Variants in RABGAP1L observed in about 807,000 individuals in gnomAD.
The protein encoded by RABGAP1L is rab GTPase-activating protein 1-like.
RABGAP1L carries 63 observed loss-of-function variants against 137.7 expected under a neutral mutation model. The ratio of observed to expected loss-of-function variants is 0.46; its 90% CI spans 0.37 to 0.56. The LOEUF is 0.56. RABGAP1L is among the 20% of genes least tolerant of loss of function. The probability of loss-of-function intolerance (pLI) is 0.00; values close to 1 mark genes in which losing one functional copy is unlikely to be tolerated. For missense variants in RABGAP1L, 1,095 were observed against 1,244.0 expected, an observed-to-expected ratio of 0.88 and a Z score of 1.80; for synonymous variants, 431 against 433.7, an observed-to-expected ratio of 0.99 and a Z score of 0.08.
intron 13 of RABGAP1L, chr1:174,449,019 C>T: frequency 1.2e-6 from 2 of 1,613,672 alleles, no homozygotes; most frequent in South Asian, 1.1e-5. Context: ...TTCTTAACAA[C>T]CTGGCTTGCA....
intron 1 of RABGAP1L, among the ~76,000 whole-genome samples, chr1:174,163,973 A>G (rs922637995): frequency 9.2e-5 from 14 of 152,176 alleles, no homozygotes; most frequent in African/African-American, 3.4e-4. Context: ...AACATCAGGC[A>G]TGGAACATTT....
intron 7 of RABGAP1L, among the ~76,000 whole-genome samples, chr1:174,267,069 C>G (rs949486686): frequency 4.6e-5 from 7 of 152,178 alleles, no homozygotes; most frequent in Admixed American, 3.9e-4. Flanking sequence ...TTAACTGGAG[C>G]ATATACTTCT....
At chr1:174,678,480 A>AG (rs1491487530) in intron 14 of RABGAP1L, among the ~76,000 whole-genome samples, 1 of 152,186 alleles carries the variant, frequency 6.6e-6, no homozygotes, top group Non-Finnish European at 1.5e-5. Flanking sequence ...CAAAAAAAAA[A>AG]GAGTAACAAA....
chr1:174,694,400 C>A (rs1396938615), intron 15 of RABGAP1L, among the ~76,000 whole-genome samples: 3 of 149,304 alleles, frequency 2.0e-5, no homozygotes, highest in South Asian at 4.3e-4. Context: ...CTTCCTGTGT[C>A]CATGTGTTCT....
chr1:174,471,473 C>G (rs1657928004), intron 13 of RABGAP1L, among the ~76,000 whole-genome samples: 1 of 152,170 alleles, frequency 6.6e-6, no homozygotes, highest in Admixed American at 6.5e-5. Flanking sequence ...TAAGCAAAAT[C>G]TTAGAAAAGT....
chr1:174,674,917 C>T (rs1361784739), intron 14 of RABGAP1L, among the ~76,000 whole-genome samples: 4 of 152,144 alleles, frequency 2.6e-5, no homozygotes, highest in African/African-American at 7.2e-5. Flanking sequence ...TGTCCTTCAC[C>T]CACTTTTTGA....
chr1:174,500,856 G>T (rs1001727256), intron 13 of RABGAP1L, among the ~76,000 whole-genome samples: 1 of 152,144 alleles, frequency 6.6e-6, no homozygotes, highest in Non-Finnish European at 1.5e-5. Flanking sequence ...TTCTATAAAA[G>T]ATTTGGTAGA....
At chr1:174,747,663 G>A (rs970550939) in intron 17 of RABGAP1L, among the ~76,000 whole-genome samples, 3 of 151,822 alleles carry the variant, frequency 2.0e-5, no homozygotes, top group Admixed American at 6.6e-5. Flanking sequence ...TTCCTCTTTA[G>A]CTTCCCAAAC....
At chr1:174,190,185 C>T (rs944393771) in intron 1 of RABGAP1L, among the ~76,000 whole-genome samples, 1 of 151,986 alleles carries the variant, frequency 6.6e-6, no homozygotes, top group Admixed American at 6.6e-5. Flanking sequence ...CACCTGTAGT[C>T]CCAGCTACTT....
intron 3 of RABGAP1L, among the ~76,000 whole-genome samples, chr1:174,229,547 G>C (rs1477681974): frequency 6.6e-6 from 1 of 152,064 alleles, no homozygotes; most frequent in Admixed American, 6.6e-5. Context: ...AACGGGGAAA[G>C]GGCAAGCACA....
rs532860564 is a variant in RABGAP1L, at chr1:174,931,990, GTTTTTTTTTTT to G, written c.2341-25453_2341-25443del. ...AAAATTTCTTTAGACTGCTTTTTTG[GTTTTTTTTTTT>G]TTTTTTTTTTTTTGCCTGTCCAGTG... On this transcript the variant is annotated intron_variant, in intron 19 of 25. Transcript: ENST00000681986. Among the ~76,000 whole-genome samples, 485 of 69,686 alleles carry G rather than the reference GTTTTTTTTTTT, an allele frequency of 7.0e-3. 7 individuals are homozygous for G. Among genetic ancestry groups the G allele is most frequent in the African/African-American group, 0.024 (460 of 18,948 alleles). The allele number at this position is 69,686 out of a possible 152,430, so 45.7% of individuals were successfully genotyped here. A position where few individuals can be genotyped will look rare whatever the true frequency, so the allele number is the denominator to read the frequency against.
chr1:174,575,294 T>TA (rs1276743814), intron 13 of RABGAP1L, among the ~76,000 whole-genome samples: 1 of 152,186 alleles, frequency 6.6e-6, no homozygotes, highest in Admixed American at 6.5e-5. Flanking sequence ...ATATATTTGG[T>TA]AAAAAACATA....
intron 19 of RABGAP1L, among the ~76,000 whole-genome samples, chr1:174,920,027 T>C (rs1360843392): frequency 6.6e-6 from 1 of 152,214 alleles, no homozygotes; most frequent in Non-Finnish European, 1.5e-5. Context: ...TATAATGTGA[T>C]TTATTCTTCA....
At chr1:174,571,465 A>G (rs1572362096) in intron 13 of RABGAP1L, among the ~76,000 whole-genome samples, 1 of 152,110 alleles carries the variant, frequency 6.6e-6, no homozygotes, top group South Asian at 2.1e-4. Flanking sequence ...CTTGAGGGGG[A>G]TGGATACCCA....
chr1:174,462,225 C>T (rs1390058280), intron 13 of RABGAP1L, among the ~76,000 whole-genome samples: 1 of 152,024 alleles, frequency 6.6e-6, no homozygotes, highest in Non-Finnish European at 1.5e-5. Context: ...TATCATTTTC[C>T]CTTGGTTTAT....
At chr1:174,455,441 A>G (rs1357235599) in intron 13 of RABGAP1L, among the ~76,000 whole-genome samples, 1 of 152,138 alleles carries the variant, frequency 6.6e-6, no homozygotes, top group Non-Finnish European at 1.5e-5. Flanking sequence ...AGGCACAAAC[A>G]AGGTACAGAG....
chr1:174,925,890 T>TGG (rs1553282909), intron 19 of RABGAP1L, among the ~76,000 whole-genome samples: 30,602 of 89,054 alleles, frequency 0.34, 7,094 homozygotes, highest in African/African-American at 0.67. Flanking sequence ...TTTTTTTGTG[T>TGG]TTTTTTTTTT....
intron 18 of RABGAP1L, among the ~76,000 whole-genome samples, chr1:174,796,961 C>A (rs1688284675): frequency 6.6e-6 from 1 of 151,684 alleles, no homozygotes; most frequent in South Asian, 2.1e-4. Flanking sequence ...GAGCTGAGAT[C>A]ACGCCACTGC....
At chr1:174,640,664 A>G (rs1674457183) in intron 14 of RABGAP1L, among the ~76,000 whole-genome samples, 1 of 151,940 alleles carries the variant, frequency 6.6e-6, no homozygotes, top group South Asian at 2.1e-4. Context: ...CATTAATAAC[A>G]CCTTGATCTT....
Sources: gnomAD v4.1 joint callset for allele counts (sites outside exome capture counted in the v4.1 genomes callset) on GRCh38, gnomAD v4.1.1 for gene constraint, MANE v1.5 for transcripts, NCBI Gene and HGNC (gene_info 2026-07-23, HGNC 2026-07-21) for gene names.